Variants in SCFD2 observed in about 807,000 individuals in gnomAD.
The protein encoded by SCFD2 is sec1 family domain-containing protein 2.
A neutral mutation model predicts 58.9 loss-of-function variants in SCFD2; 54 were observed. The observed-to-expected ratio is 0.92, with a 90% CI of 0.74 to 1.15. SCFD2 has a LOEUF of 1.15. SCFD2 is among the 50% of genes most tolerant of loss of function. The pLI, the probability that SCFD2 is intolerant of heterozygous loss-of-function variation, is 0.00. For synonymous variants in SCFD2, 321 were observed against 335.9 expected (o/e 0.96, Z 0.49); for missense variants, 805 against 836.6 (o/e 0.96, Z 0.47).
intron 5 of SCFD2, among the ~76,000 whole-genome samples, chr4:52,971,914 C>T (rs1220047176): frequency 1.1e-4 from 16 of 152,096 alleles, no homozygotes; most frequent in Admixed American, 9.2e-4. Flanking sequence ...TCCAGCCAAA[C>T]TAAGCTTCAT....
intron 6 of SCFD2, among the ~76,000 whole-genome samples, chr4:52,910,426 C>T (rs2109474502): frequency 6.6e-6 from 1 of 152,284 alleles, no homozygotes; most frequent in East Asian, 1.9e-4. Flanking sequence ...TTAGTACCTA[C>T]TTTACATGTC....
At chr4:53,168,598 A>G (rs1489484717) in intron 4 of SCFD2, among the ~76,000 whole-genome samples, 2 of 152,188 alleles carry the variant, frequency 1.3e-5, no homozygotes, top group Non-Finnish European at 2.9e-5. Context: ...ATCAAAAGTA[A>G]CCTGAACATT....
chr4:52,917,854 C>T (rs1398707833), intron 6 of SCFD2, among the ~76,000 whole-genome samples: 2 of 152,210 alleles, frequency 1.3e-5, no homozygotes, highest in Non-Finnish European at 2.9e-5. Flanking sequence ...ACACCTTTTC[C>T]TAACGGGTTA....
chr4:53,005,880 C>T (rs1055772868), intron 5 of SCFD2, among the ~76,000 whole-genome samples: 18 of 152,174 alleles, frequency 1.2e-4, no homozygotes, highest in African/African-American at 3.9e-4. Context: ...CTGCCACATA[C>T]TTCATTGTAC....
At chr4:53,011,930 A>C (rs1054859102) in intron 5 of SCFD2, among the ~76,000 whole-genome samples, 4 of 152,124 alleles carry the variant, frequency 2.6e-5, no homozygotes, top group African/African-American at 9.7e-5. Context: ...GGGGAGAGGA[A>C]AAGGTTCTGG....
chr4:53,336,810 C>T (rs1733699018), intron 2 of SCFD2, among the ~76,000 whole-genome samples: 1 of 152,180 alleles, frequency 6.6e-6, no homozygotes, highest in African/African-American at 2.4e-5. Flanking sequence ...CCACTGCACC[C>T]AGCCAGTTTT....
chr4:53,101,349 G>A (rs544256251), intron 5 of SCFD2, among the ~76,000 whole-genome samples: 7 of 152,256 alleles, frequency 4.6e-5, no homozygotes, highest in African/African-American at 1.7e-4. Context: ...GCAACTCAGA[G>A]TTTTCAGAAT....
intron 5 of SCFD2, among the ~76,000 whole-genome samples, chr4:52,986,003 T>C (rs898903084): frequency 6.6e-6 from 1 of 152,070 alleles, no homozygotes; most frequent in Non-Finnish European, 1.5e-5. Context: ...AGAATTAGCA[T>C]ACAATTCCTT....
At chr4:53,179,517 G>A (rs2148945996) in intron 4 of SCFD2, among the ~76,000 whole-genome samples, 1 of 152,220 alleles carries the variant, frequency 6.6e-6, no homozygotes, top group African/African-American at 2.4e-5. Flanking sequence ...AAGATGAAAG[G>A]AACAACCAGT....
rs566515355 is a variant in SCFD2, at chr4:52,987,457, C to T, written c.1562-66587G>A. ...GCCATTCCTTTCTTCACAAACTTTC[C>T]GCCTCAAAACAATGCTTTTCTAGAT... On this transcript the variant is annotated intron_variant, in intron 5 of 8. Coordinates refer to ENST00000401642, the MANE Select transcript of SCFD2 (RefSeq NM_152540.4). Among the ~76,000 whole-genome samples the T allele has an allele frequency of 4.6e-5, 7 of 152,196 alleles. No homozygotes were observed. The South Asian group carries it at 6.2e-4, about 14-fold the overall frequency.
intron 5 of SCFD2, among the ~76,000 whole-genome samples, chr4:53,057,695 A>T (rs1423655655): frequency 6.6e-6 from 1 of 152,170 alleles, no homozygotes; most frequent in African/African-American, 2.4e-5. Flanking sequence ...GAAAAATAAA[A>T]GACAATTATC....
intron 6 of SCFD2, among the ~76,000 whole-genome samples, chr4:52,918,753 T>C (rs1719666065): frequency 6.6e-6 from 1 of 152,196 alleles, no homozygotes; most frequent in Non-Finnish European, 1.5e-5. Context: ...GTCCCCTCAC[T>C]GCCACCCAAT....
At chr4:52,943,969 C>A (rs1276125573) in intron 5 of SCFD2, among the ~76,000 whole-genome samples, 1 of 152,142 alleles carries the variant, frequency 6.6e-6, no homozygotes, top group Non-Finnish European at 1.5e-5. Flanking sequence ...GAAAGCCTAA[C>A]TACAAGAGCT....
chr4:52,964,689 G>GACAC (rs148501809), intron 5 of SCFD2, among the ~76,000 whole-genome samples: 4,594 of 149,262 alleles, frequency 0.031, 88 homozygotes, highest in African/African-American at 0.039. Context: ...AAATGTGAGG[G>GACAC]ACACACACAC....
intron 3 of SCFD2, among the ~76,000 whole-genome samples, chr4:53,280,276 G>A (rs937642457): frequency 5.3e-5 from 8 of 152,162 alleles, no homozygotes; most frequent in South Asian, 4.1e-4. Context: ...AGCACTTTGG[G>A]AGGCTGAGGC....
At chr4:52,878,886 A>T (rs980323786) in intron 8 of SCFD2, among the ~76,000 whole-genome samples, 9 of 152,120 alleles carry the variant, frequency 5.9e-5, no homozygotes, top group Non-Finnish European at 1.3e-4. Flanking sequence ...CAGTATTAGA[A>T]ATCAGAGGTA....
intron 5 of SCFD2, among the ~76,000 whole-genome samples, chr4:53,124,255 C>A (rs1725562888): frequency 6.6e-6 from 1 of 152,188 alleles, no homozygotes; most frequent in African/African-American, 2.4e-5. Context: ...GACAAACAGA[C>A]ACCAAATCTT....
At chr4:53,167,945 T>C (rs1251174729) in intron 4 of SCFD2, among the ~76,000 whole-genome samples, 1 of 152,220 alleles carries the variant, frequency 6.6e-6, no homozygotes, top group Non-Finnish European at 1.5e-5. Context: ...CTTGGAGTAA[T>C]ATGAGGCTGG....
At chr4:53,250,526 G>A (rs191931718) in intron 4 of SCFD2, among the ~76,000 whole-genome samples, 1 of 152,120 alleles carries the variant, frequency 6.6e-6, no homozygotes, top group Non-Finnish European at 1.5e-5. Context: ...TAAAAGAACA[G>A]AAATTATAAC....
Sources: allele counts gnomAD v4.1 joint callset (sites outside exome capture counted in the v4.1 genomes callset), GRCh38; gene constraint gnomAD v4.1.1; transcripts MANE v1.5; gene names NCBI Gene and HGNC (gene_info 2026-07-23, HGNC 2026-07-21).